Variants in CTNNBL1 observed in about 807,000 individuals in gnomAD.
The protein encoded by CTNNBL1 is beta-catenin-like protein 1.
Under a neutral mutation model 72.7 loss-of-function variants are expected in CTNNBL1, and 31 were observed. The ratio of observed to expected loss-of-function variants is 0.43; its 90% CI spans 0.32 to 0.58. The LOEUF (loss-of-function observed/expected upper bound fraction) is 0.58, where lower values mean the gene tolerates loss of function less well. CTNNBL1 is among the 20% of genes least tolerant of loss of function. CTNNBL1 has a pLI of 0.08. For missense variants in CTNNBL1, 534 were observed against 725.1 expected, an observed-to-expected ratio of 0.74 and a Z score of 3.03; for synonymous variants, 240 against 267.3, an observed-to-expected ratio of 0.90 and a Z score of 1.00.
At chr20:37,782,245 G>T (rs1339474288) in intron 10 of CTNNBL1, among the ~76,000 whole-genome samples, 1 of 152,118 alleles carries the variant, frequency 6.6e-6, no homozygotes, top group Non-Finnish European at 1.5e-5. Flanking sequence ...AATTTAATAT[G>T]ATGACGCTTC....
chr20:37,854,551 A>ATAT (rs139266490), intron 13 of CTNNBL1, among the ~76,000 whole-genome samples: 2,894 of 129,194 alleles, frequency 0.022, 39 homozygotes, highest in Middle Eastern at 0.034. Context: ...CTGCCTCTCA[A>ATAT]TATTATTATT....
At chr20:37,832,274 CTGAA>C (rs1411370040) in intron 11 of CTNNBL1, 1 of 152,206 alleles carries the variant, frequency 6.6e-6, no homozygotes, top group Non-Finnish European at 1.5e-5. Flanking sequence ...CCAGGGCTGA[CTGAA>C]ACATGTTCAG....
intron 11 of CTNNBL1, among the ~76,000 whole-genome samples, chr20:37,827,821 G>T (rs747226863): frequency 5.9e-5 from 9 of 152,152 alleles, no homozygotes; most frequent in Non-Finnish European, 1.2e-4. Flanking sequence ...CAACCATCAT[G>T]CAGGGCCTGT....
At chr20:37,786,647 A>G (rs1173591461) in intron 10 of CTNNBL1, among the ~76,000 whole-genome samples, 1 of 152,136 alleles carries the variant, frequency 6.6e-6, no homozygotes, top group African/African-American at 2.4e-5. Context: ...GTATATTTGT[A>G]TACCTTTCCC....
rs1268099927 is a variant in CTNNBL1 at position 37,799,995 on chromosome 20, A to G, written c.1032-2872A>G. Among the ~76,000 whole-genome samples, 5 of 152,146 alleles carry G rather than the reference A, an allele frequency of 3.3e-5. No individual in the cohort carries two copies. The East Asian group carries it at 9.7e-4, about 29-fold the overall frequency. ...TGTACCTACTCACCTTTCCTCCACT[A>G]TTGGGACCCAGTCCTGGCTGGCTAG... On this transcript the variant is annotated intron_variant, in intron 10 of 15. Coordinates refer to ENST00000361383, the MANE Select transcript of CTNNBL1 (RefSeq NM_030877.5).
chr20:37,695,902 G>A (rs1219947744), intron 1 of CTNNBL1, among the ~76,000 whole-genome samples: 1 of 152,188 alleles, frequency 6.6e-6, no homozygotes, highest in Non-Finnish European at 1.5e-5. Context: ...ACAAGAAATT[G>A]ACCCTGGACG....
chr20:37,842,912 C>T (rs2072316952), intron 13 of CTNNBL1, among the ~76,000 whole-genome samples: 1 of 152,246 alleles, frequency 6.6e-6, no homozygotes. Context: ...AGATGCATTG[C>T]AGCCAAGCCA....
At chr20:37,745,402 A>G (rs75055654) in intron 3 of CTNNBL1, among the ~76,000 whole-genome samples, 9,498 of 152,248 alleles carry the variant, frequency 0.062, 353 homozygotes, top group African/African-American at 0.072. Context: ...TAAGAAGTTT[A>G]CTTTCTAGAA....
At chr20:37,825,630 G>A (rs1414517079) in intron 11 of CTNNBL1, among the ~76,000 whole-genome samples, 5 of 152,148 alleles carry the variant, frequency 3.3e-5, no homozygotes, top group Non-Finnish European at 5.9e-5. Context: ...AGCCGAGATC[G>A]TGCCATTGCA....
At chr20:37,723,717 G>C (rs1306821948) in intron 1 of CTNNBL1, among the ~76,000 whole-genome samples, 1 of 152,166 alleles carries the variant, frequency 6.6e-6, no homozygotes, top group South Asian at 2.1e-4. Flanking sequence ...CCTTTGTAAG[G>C]TGTATTGTTT....
chr20:37,818,808 A>G (rs1350632121), intron 11 of CTNNBL1, among the ~76,000 whole-genome samples: 1 of 152,184 alleles, frequency 6.6e-6, no homozygotes, highest in African/African-American at 2.4e-5. Context: ...AAAAAGTAGC[A>G]ATTTATTGTG....
intron 7 of CTNNBL1, among the ~76,000 whole-genome samples, chr20:37,768,895 C>G (rs567183557): frequency 6.6e-6 from 1 of 152,256 alleles, no homozygotes; most frequent in African/African-American, 2.4e-5. Flanking sequence ...TCTCCTGCCT[C>G]AGCTTCCCGA....
chr20:37,782,310 G>A (rs1016114721), intron 10 of CTNNBL1, among the ~76,000 whole-genome samples: 8 of 151,982 alleles, frequency 5.3e-5, no homozygotes, highest in Non-Finnish European at 1.2e-4. Flanking sequence ...TTTCCTTTCT[G>A]ATTATTGATG....
intron 11 of CTNNBL1, among the ~76,000 whole-genome samples, chr20:37,836,643 C>T (rs1046995439): frequency 1.3e-5 from 2 of 152,156 alleles, no homozygotes; most frequent in Non-Finnish European, 2.9e-5. Flanking sequence ...GTTTTGTTTT[C>T]TTCACTAAAT....
Position 37,694,065 on chromosome 20 carries a change from C to G in CTNNBL1, c.-58C>G. The G allele has an allele frequency of 6.4e-7, 1 of 1,572,988 alleles. No individual in the cohort carries two copies. ...GCAGTGTGGCTGGAGCCGCGGCTGA[C>G]GGGCCCGCGGTCTGGGCGTGAGTGC... On this transcript the variant is annotated 5_prime_UTR_variant, in exon 1 of 16. Transcript: ENST00000361383.
intron 10 of CTNNBL1, among the ~76,000 whole-genome samples, chr20:37,788,674 T>TTCTC (rs1259447132): frequency 6.6e-6 from 1 of 152,264 alleles, no homozygotes; most frequent in Non-Finnish European, 1.5e-5. Flanking sequence ...AATGAGCTTA[T>TTCTC]TCTCCTTTGC....
intron 11 of CTNNBL1, among the ~76,000 whole-genome samples, chr20:37,822,395 G>A (rs74706838): frequency 0.053 from 8,133 of 152,278 alleles, 294 homozygotes; most frequent in Middle Eastern, 0.068. Flanking sequence ...GATGAAGCGG[G>A]CTGGAGAGCT....
chr20:37,734,570 T>G (rs1237823852), intron 2 of CTNNBL1, among the ~76,000 whole-genome samples: 2 of 152,336 alleles, frequency 1.3e-5, no homozygotes, highest in African/African-American at 4.8e-5. Context: ...CCAACCCGTC[T>G]GTTAAGGGAC....
At chr20:37,807,887 G>C (rs542394609) in intron 11 of CTNNBL1, among the ~76,000 whole-genome samples, 1 of 152,260 alleles carries the variant, frequency 6.6e-6, no homozygotes, top group African/African-American at 2.4e-5. Flanking sequence ...CTTCAGAATA[G>C]GAGGGAAGAA....
Sources: allele counts gnomAD v4.1 joint callset (sites outside exome capture counted in the v4.1 genomes callset), GRCh38; gene constraint gnomAD v4.1.1; transcripts MANE v1.5; gene names NCBI Gene and HGNC (gene_info 2026-07-23, HGNC 2026-07-21).